Variants in AFDN observed in about 807,000 individuals in gnomAD.
AFDN encodes afadin.
Under a neutral mutation model 216.6 loss-of-function variants are expected in AFDN, and 68 were observed. That is an observed-to-expected ratio of 0.31 (90% CI 0.26 to 0.38). The LOEUF (loss-of-function observed/expected upper bound fraction) is 0.38, where lower values mean the gene tolerates loss of function less well. Among genes scored for constraint, AFDN ranks in the 10% least tolerant of loss-of-function variants. The pLI is 1.00. For synonymous variants in AFDN, 868 were observed against 853.7 expected (o/e 1.02, Z -0.29); for missense variants, 2,136 against 2,342.0 (o/e 0.91, Z 1.82).
At chr6:167,864,211 A>G (rs1392732990) in intron 1 of AFDN, 4 of 522,532 alleles carry the variant, frequency 7.7e-6, no homozygotes, top group Non-Finnish European at 1.5e-5. Flanking sequence ...ATAGGGTTAA[A>G]TAATAGTATC....
intron 2 of AFDN, among the ~76,000 whole-genome samples, chr6:167,865,681 T>C (rs919151872): frequency 6.6e-6 from 1 of 152,200 alleles, no homozygotes; most frequent in African/African-American, 2.4e-5. Flanking sequence ...AAATGTTGAG[T>C]AACCTGTTTT....
chr6:167,943,006 C>G (rs1794873327), intron 23 of AFDN, 123 bp from the exon 24 acceptor site: 1 of 628,394 alleles, frequency 1.6e-6, no homozygotes. Flanking sequence ...AAATGAGAAC[C>G]AGGACTTTGT....
Position 167,969,904 on chromosome 6 carries a change from C to G in AFDN, c.5465C>G (p.Thr1822Arg), listed in dbSNP as rs1797909754. The change falls in exon 34 of 34, where the codon ACA (threonine) becomes AGA (arginine). Residue 1822 changes from threonine (T) to arginine (R), a missense_variant. Transcript: ENST00000683244. ...AAAGTGAAAGCTTCTCGTAAATTAA[C>G]AGAACTGGAGAATGAACTGAACACA... ...SNKVKASRKL[T>R]ELENELNTK 6.2e-7 allele frequency: 1 copy of G among 1,611,818 alleles called. No homozygotes were observed. The highest frequency in any genetic ancestry group is 1.1e-5 in the South Asian group (1 of 90,286).
In AFDN at chr6:167,951,971, C is replaced by T. The variant is rs949176650; in HGVS notation, c.4617C>T (p.Ile1539=). Reference sequence around the variant, plus strand: ...TGGAGAAGCAGCAGCAGATGCACATCGTGGACATGCTGAGCAAGGAGATCC... The same window carrying T: ...TGGAGAAGCAGCAGCAGATGCACATTGTGGACATGCTGAGCAAGGAGATCC... The part of the protein sequence containing the change: ...EKLEKQQQMH[I]VDMLSKEIQE... Residue 1539 remains isoleucine, a synonymous_variant, in exon 30 of 34, where the codon ATC becomes ATT. Coordinates refer to ENST00000683244, the MANE Select transcript of AFDN (RefSeq NM_001386888.1). This position sits in a 1 kb window ranked among gnomAD's most constrained non-coding sequence, Gnocchi z 7.1. 8 of 1,614,060 alleles carry T rather than the reference C, an allele frequency of 5.0e-6. 1 individual carries two copies. The highest frequency in any genetic ancestry group is 2.2e-5 in the South Asian group (2 of 91,086).
At chr6:167,834,267 C>G (rs937860442) in intron 1 of AFDN, among the ~76,000 whole-genome samples, 1 of 151,986 alleles carries the variant, frequency 6.6e-6, no homozygotes, top group Non-Finnish European at 1.5e-5. Flanking sequence ...CACCCTTTTC[C>G]CCGAGTCCCC....
At chr6:167,857,318 T>C (rs1327774043) in intron 1 of AFDN, among the ~76,000 whole-genome samples, 2 of 152,112 alleles carry the variant, frequency 1.3e-5, no homozygotes, top group East Asian at 1.9e-4. Flanking sequence ...ATCTGGACTA[T>C]ATCAAGGACT....
At chr6:167,833,843 C>T (rs1780094195) in intron 1 of AFDN, among the ~76,000 whole-genome samples, 1 of 152,238 alleles carries the variant, frequency 6.6e-6, no homozygotes, top group African/African-American at 2.4e-5. Context: ...CTCTTATAAA[C>T]ATGCTTAGTA....
At chr6:167,949,526 G>A (rs1265845121) in intron 29 of AFDN, among the ~76,000 whole-genome samples, 2 of 152,176 alleles carry the variant, frequency 1.3e-5, no homozygotes, top group Non-Finnish European at 2.9e-5. Flanking sequence ...TGGTGTGCTG[G>A]TCCATCCTGC....
intron 16 of AFDN, 96 bp from the exon 17 acceptor site, chr6:167,914,072 C>T (rs929353706): frequency 1.5e-6 from 2 of 1,336,906 alleles, no homozygotes; most frequent in Admixed American, 2.0e-5. Flanking sequence ...TGGGAAGGTA[C>T]TGGTCTATCT....
At chr6:167,956,492 G>A (rs746703789) in intron 30 of AFDN, among the ~76,000 whole-genome samples, 15 of 152,086 alleles carry the variant, frequency 9.9e-5, no homozygotes, top group East Asian at 1.9e-4. Context: ...GACCTGAGAC[G>A]GTAGCACCAC....
chr6:167,969,159 A>C lies in AFDN; in HGVS notation c.5303A>C (p.His1768Pro). The C allele has an allele frequency of 6.2e-7, 1 of 1,614,018 alleles. No individual in the cohort carries two copies. ...TCTACTGGAGCAGCTGTTGGAGCCC[A>C]TGACGCCTGTCGGGATGCAAAAGAG... ...PGSTGAAVGA[H>P]DACRDAKEKR... Residue 1768 changes from histidine to proline, a missense_variant, in exon 33 of 34, where the codon CAT becomes CCT. By Grantham distance (77) the His-to-Pro change is moderately conservative. Coordinates refer to ENST00000683244, the MANE Select transcript of AFDN (RefSeq NM_001386888.1).
chr6:167,917,105 C>T lies in AFDN; in HGVS notation c.2582C>T (p.Thr861Ile), dbSNP rs370171245. The change falls in exon 20 of 34, where the codon ACC (threonine) becomes ATC (isoleucine). Residue 861 changes from threonine (T) to isoleucine (I), a missense_variant. Physicochemically the swap from Thr to Ile is moderately conservative, Grantham distance 89 (BLOSUM62 -1). Around this residue, in one of 8 missense-constraint regions of AFDN, gnomAD observed 162 missense variants for 182.6 expected, o/e 0.89. Transcript: ENST00000683244. The stretch of plus-strand genomic sequence containing the variant: ...TTTACATAGGCAACGACTTTGCTTA[C>T]CATGGATAAGTATGCACCTGATGAC... ...SRIVQATTLL[T>I]MDKYAPDDIP... The T allele has an allele frequency of 1.9e-6, 3 of 1,612,404 alleles. No individual in the cohort carries two copies. The South Asian group carries it at 3.3e-5, about 18-fold the overall frequency.
Position 167,948,388 on chromosome 6 carries a change from T to C in AFDN, c.3741T>C (p.Asp1247=). The C allele has an allele frequency of 1.2e-6, 2 of 1,614,070 alleles. No homozygotes were observed. The highest frequency in any genetic ancestry group is 1.7e-6 in the Non-Finnish European group (2 of 1,180,002). The change falls in exon 29 of 34, where the codon GAT becomes GAC. Residue 1247 remains aspartate (D), a synonymous_variant. Coordinates refer to ENST00000683244, the MANE Select transcript of AFDN (RefSeq NM_001386888.1). The stretch of plus-strand genomic sequence containing the variant: ...CCTTCCCAGCTTCCAAATCCCAGGA[T>C]CGGATGGCTCCTCCTCAGAACCAGT... ...YFTFPASKSQ[D]RMAPPQNQWP... is the part of the protein sequence containing the mutation.
intron 30 of AFDN, among the ~76,000 whole-genome samples, chr6:167,958,689 C>T (rs1371893972): frequency 6.6e-6 from 1 of 152,248 alleles, no homozygotes; most frequent in Non-Finnish European, 1.5e-5. Flanking sequence ...CCCTCCTCTT[C>T]CGCTTTCTTG....
rs751419751 is a variant in AFDN, at chr6:167,864,428, C to G, written c.106-123C>G. The G allele has an allele frequency of 7.5e-6, 7 of 930,608 alleles. No individual in the cohort carries two copies. In the African/African-American group the frequency reaches 9.7e-5, roughly 13 times the overall value. 57.6% of individuals were successfully genotyped at this position (930,608 alleles called of 1,614,324 possible). Reference sequence around the variant, plus strand: ...TAAAAACCCATCTCTCTACATTAGTCTCAGATGTTTATGATGAAGCATTTT... The same window carrying G: ...TAAAAACCCATCTCTCTACATTAGTGTCAGATGTTTATGATGAAGCATTTT... On this transcript the variant is annotated intron_variant, in intron 1 of 33. Coordinates refer to ENST00000683244, the MANE Select transcript of AFDN (RefSeq NM_001386888.1).
At chr6:167,830,347 A>G (rs752586682) in intron 1 of AFDN, among the ~76,000 whole-genome samples, 1 of 152,206 alleles carries the variant, frequency 6.6e-6, no homozygotes, top group Non-Finnish European at 1.5e-5. Flanking sequence ...AAGAGTGTAG[A>G]ATTTTCTTGG....
In AFDN at chr6:167,963,063, G is replaced by C. The variant is rs1027215442; in HGVS notation, c.4968+496G>C. The C allele has an allele frequency of 7.5e-6, 8 of 1,069,310 alleles. No homozygotes were observed. In the African/African-American group the frequency reaches 1.3e-4, roughly 17 times the overall value. The allele number at this position is 1,069,310 out of a possible 1,614,324, so 66.2% of individuals were successfully genotyped here. A position where few individuals can be genotyped will look rare whatever the true frequency, so the allele number is the denominator to read the frequency against. ...AGAGAGCAGATGGCTTAGAAAACAT[G>C]ATACAGGAAAATTTAGTATGTAATC... On this transcript the variant is annotated intron_variant, in intron 31 of 33. Transcript: ENST00000683244.
rs756870220 is a variant in AFDN, at chr6:167,970,502, G to A, written c.*567G>A. 4.6e-5 allele frequency: 10 copies of A among 217,604 alleles called. No individual in the cohort carries two copies. Among genetic ancestry groups the A allele is most frequent in the Admixed American group, 2.3e-4 (4 of 17,212 alleles). The allele number at this position is 217,604 out of a possible 1,614,324, so 13.5% of individuals were successfully genotyped here. Reference sequence around the variant, plus strand: ...CCACAATATCCTTCTAGTCTGCATCGTGAAGTGGCTTAGGCCAAAGCTTCC... The same window carrying A: ...CCACAATATCCTTCTAGTCTGCATCATGAAGTGGCTTAGGCCAAAGCTTCC... On this transcript the variant is annotated 3_prime_UTR_variant, in exon 34 of 34. Transcript: ENST00000683244.
chr6:167,873,137 A>C (rs1784965266), intron 4 of AFDN, among the ~76,000 whole-genome samples: 1 of 152,218 alleles, frequency 6.6e-6, no homozygotes, highest in Non-Finnish European at 1.5e-5. Flanking sequence ...TCCGTAATCA[A>C]ATAATGTATA....
Sources: allele counts gnomAD v4.1 joint callset (sites outside exome capture counted in the v4.1 genomes callset), GRCh38; gene constraint gnomAD v4.1.1; regional missense constraint gnomAD v4.1.1; non-coding constraint Gnocchi (gnomAD v3.1); transcripts MANE v1.5; gene names NCBI Gene and HGNC (gene_info 2026-07-23, HGNC 2026-07-21).